Variants in ENY2 observed in about 807,000 individuals in gnomAD.
ENY2 encodes the protein ENY2 transcription and export complex 2 subunit.
ENY2 carries 4 observed loss-of-function variants against 15.9 expected under a neutral mutation model. The ratio of observed to expected loss-of-function variants is 0.25; its 90% CI spans 0.12 to 0.57. ENY2 has a LOEUF of 0.57. ENY2 is among the 20% of genes least tolerant of loss of function. The pLI, the probability that ENY2 is intolerant of heterozygous loss-of-function variation, is 0.91. For synonymous variants in ENY2, 48 were observed against 38.0 expected (o/e 1.26, Z -0.97); for missense variants, 54 against 117.2 (o/e 0.46, Z 2.49).
At position 109,344,791 on chromosome 8, in the gene ENY2, C is replaced by CTTAGTTCAAGCCCAGATTA. The variant is rs1816201701; in HGVS notation, c.*1313_*1331dup. The CTTAGTTCAAGCCCAGATTA allele has an allele frequency of 1.3e-5, 2 of 152,200 alleles. No homozygotes were observed. The highest frequency in any genetic ancestry group is 4.8e-5 in the African/African-American group (2 of 41,440). The allele number at this position is 152,200 out of a possible 1,614,324, so 9.4% of individuals were successfully genotyped here. A position where few individuals can be genotyped will look rare whatever the true frequency, so the allele number is the denominator to read the frequency against. ...ATCCACTACGTGCCCTCGTAATTGT[C>CTTAGTTCAAGCCCAGATTA]TTAGTTCAAGCCCAGATTATTGTAG... On this transcript the variant is annotated 3_prime_UTR_variant, in exon 5 of 5. Coordinates refer to ENST00000521688, the MANE Select transcript of ENY2 (RefSeq NM_020189.6).
chr8:109,342,869 GT>G (rs1488137958), intron 4 of ENY2: 8 of 525,100 alleles, frequency 1.5e-5, no homozygotes, highest in Non-Finnish European at 2.7e-5. Flanking sequence ...TGTAAATGTG[GT>G]TTTAATTTCA....
At position 109,343,467 on chromosome 8, in the gene ENY2, C is replaced by T; in HGVS notation, c.292C>T (p.His98Tyr). The T allele has an allele frequency of 6.2e-7, 1 of 1,612,682 alleles. No homozygotes were observed. The highest frequency in any genetic ancestry group is 8.5e-7 in the Non-Finnish European group (1 of 1,179,424). Residue 98 changes from histidine (H) to tyrosine (Y), a missense_variant, in exon 5 of 5, where the codon CAT becomes TAT. Physicochemically the swap from His to Tyr is moderately conservative, Grantham distance 83. Transcript: ENST00000521688. ...LQRIRTFLAQ[H>Y]ASL The stretch of plus-strand genomic sequence containing the variant: ...AAGAATAAGAACATTCCTTGCTCAG[C>T]ATGCCAGCCTTTAAGATTGAATTAG...
intron 2 of ENY2, among the ~76,000 whole-genome samples, chr8:109,336,961 G>A (rs530586959): frequency 2.6e-5 from 4 of 151,994 alleles, no homozygotes; most frequent in South Asian, 2.1e-4. Context: ...ATAAGGAAGA[G>A]GGGGAATCTT....
At chr8:109,339,244 A>C in intron 2 of ENY2, 76 bp from the exon 3 acceptor site, 1 of 1,389,186 alleles carries the variant, frequency 7.2e-7, no homozygotes, top group Non-Finnish European at 1.0e-6. Context: ...TTAGTTGAAC[A>C]CTGAAACTTT....
chr8:109,342,743 A>G (rs1176279707), intron 4 of ENY2: 14 of 697,324 alleles, frequency 2.0e-5, no homozygotes, highest in African/African-American at 5.3e-5. Context: ...GACTCAGGCA[A>G]TCCTCCTGCC....
chr8:109,334,619 A>G, intron 1 of ENY2, 145 bp downstream of exon 1: 1 of 931,952 alleles, frequency 1.1e-6, no homozygotes, highest in Non-Finnish European at 1.5e-6. Context: ...GTTGGCCTGA[A>G]ACCAGTCCTC....
chr8:109,343,503 T>C lies in ENY2; in HGVS notation c.*22T>C, dbSNP rs759195504. Reference sequence around the variant, plus strand: ...TTAAGATTGAATTAGATTGTGTTGTTGTGGTTTTATTTCTGAAAGTAAAAC... The same window carrying C: ...TTAAGATTGAATTAGATTGTGTTGTCGTGGTTTTATTTCTGAAAGTAAAAC... On this transcript the variant is annotated 3_prime_UTR_variant, in exon 5 of 5. Transcript: ENST00000521688. 1.3e-6 allele frequency: 2 copies of C among 1,584,442 alleles called. No individual in the cohort carries two copies. The highest frequency in any genetic ancestry group is 1.7e-6 in the Non-Finnish European group (2 of 1,168,782).
chr8:109,336,149 G>A lies in ENY2; in HGVS notation c.28G>A (p.Ala10Thr). The A allele has an allele frequency of 6.2e-7, 1 of 1,613,646 alleles. No homozygotes were observed. The highest frequency in any genetic ancestry group is 8.5e-7 in the Non-Finnish European group (1 of 1,179,650). ...CCAGGTTAGCAAGATGAACAAAGAT[G>A]CGCAGATGAGAGCAGCGATTAACCA... MVVSKMNKD[A>T]QMRAAINQKL... Residue 10 changes from alanine (A) to threonine (T), a missense_variant, in exon 2 of 5, where the codon GCG becomes ACG. Physicochemically the swap from Ala to Thr is moderately conservative, Grantham distance 58 (BLOSUM62 0). Coordinates refer to ENST00000521688, the MANE Select transcript of ENY2 (RefSeq NM_020189.6).
chr8:109,334,959 AT>A (rs1270088341), intron 1 of ENY2: 1 of 153,736 alleles, frequency 6.5e-6, no homozygotes, highest in Non-Finnish European at 1.4e-5. Context: ...GAAAAAAAAA[AT>A]CAACTCTGGT....
intron 4 of ENY2, chr8:109,340,764 T>G (rs1018787306): frequency 3.5e-6 from 2 of 564,840 alleles, no homozygotes; most frequent in African/African-American, 1.9e-5. Flanking sequence ...GTTCTTGTAC[T>G]CTAGAACAGT....
In ENY2 at chr8:109,339,851, T is replaced by A. The variant is rs147790115; in HGVS notation, c.154+461T>A. 571 of 155,706 alleles carry A rather than the reference T, an allele frequency of 3.7e-3. 3 individuals carry two copies. The highest frequency in any genetic ancestry group is 0.012 in the African/African-American group (500 of 41,642). 9.6% of individuals were successfully genotyped at this position (155,706 alleles called of 1,614,324 possible). On this transcript the variant is annotated intron_variant, in intron 3 of 4. Transcript: ENST00000521688. ...GATACCATTTGATGGATTATACATG[T>A]CACTAAGGGGAGCCTCCTTTCTGTC...
chr8:109,334,607 G>C, intron 1 of ENY2, 133 bp downstream of exon 1: 3 of 1,115,248 alleles, frequency 2.7e-6, no homozygotes, highest in Non-Finnish European at 3.7e-6. Context: ...CGTGCTACCG[G>C]AGTTGGCCTG....
chr8:109,340,815 T>C (rs1351456050), intron 4 of ENY2: 3 of 384,628 alleles, frequency 7.8e-6, no homozygotes, highest in Non-Finnish European at 9.4e-6. Flanking sequence ...GCAAATAATT[T>C]TTAAAATACG....
intron 4 of ENY2, among the ~76,000 whole-genome samples, chr8:109,342,216 A>G (rs564763876): frequency 6.7e-6 from 1 of 149,810 alleles, no homozygotes; most frequent in Admixed American, 6.7e-5. Context: ...TAATAGTCAA[A>G]TGGGTCAAAA....
chr8:109,334,497 A>C (rs1316541854), intron 1 of ENY2, 23 bp downstream of exon 1: 1 of 1,611,828 alleles, frequency 6.2e-7, no homozygotes, highest in Admixed American at 1.7e-5. Flanking sequence ...CGTGGTCCTC[A>C]GGGCCGGGAC....
At chr8:109,335,402 A>G (rs1400002344) in intron 1 of ENY2, 3 of 144,118 alleles carry the variant, frequency 2.1e-5, no homozygotes, top group Non-Finnish European at 3.0e-5. Flanking sequence ...TTGCCCTGTC[A>G]CCCAGGCTGG....
chr8:109,343,448 A>C lies in ENY2; in HGVS notation c.273A>C (p.Ile91=). The C allele has an allele frequency of 1.2e-6, 2 of 1,613,108 alleles. No individual in the cohort carries two copies. Among genetic ancestry groups the C allele is most frequent in the Non-Finnish European group, 1.7e-6 (2 of 1,179,630 alleles). ...TAAAGAAGGAGCTCCTACAAAGAAT[A>C]AGAACATTCCTTGCTCAGCATGCCA... ...DSVKKELLQR[I]RTFLAQHASL Residue 91 remains isoleucine, a synonymous_variant, in exon 5 of 5, where the codon ATA becomes ATC. Coordinates refer to ENST00000521688, the MANE Select transcript of ENY2 (RefSeq NM_020189.6).
rs535180415 is a variant in ENY2, at chr8:109,342,974, C to A, written c.230-431C>A. Among the ~76,000 whole-genome samples the A allele has an allele frequency of 4.0e-3, 616 of 152,202 alleles. 4 individuals carry two copies. Among genetic ancestry groups the A allele is most frequent in the African/African-American group, 0.014 (561 of 41,528 alleles). On this transcript the variant is annotated intron_variant, in intron 4 of 4. Transcript: ENST00000521688. ...TTTCTATTAGCCTTTTGATCTTTTC[C>A]TTATCAGTGTGAAACAACTGTATAG...
intron 2 of ENY2, chr8:109,336,423 T>G (rs1815987225): frequency 2.2e-6 from 1 of 462,430 alleles, no homozygotes; most frequent in Admixed American, 3.8e-5. Context: ...ATATGGCTCT[T>G]AAAGAGTAAT....
Sources: allele counts gnomAD v4.1 joint callset (sites outside exome capture counted in the v4.1 genomes callset), GRCh38; gene constraint gnomAD v4.1.1; transcripts MANE v1.5; gene names NCBI Gene and HGNC (gene_info 2026-07-23, HGNC 2026-07-21).